Variants in CTNNA2 observed in about 807,000 individuals in gnomAD.
CTNNA2 encodes catenin alpha 2.
In CTNNA2, 42 loss-of-function variants were observed where a neutral mutation model predicts 101.0. The ratio of observed to expected loss-of-function variants is 0.42; its 90% CI spans 0.32 to 0.54. CTNNA2 has a LOEUF of 0.54. Among genes scored for constraint, CTNNA2 ranks in the 20% least tolerant of loss-of-function variants. The pLI is 0.14. For synonymous variants in CTNNA2, 450 were observed against 456.4 expected (o/e 0.99, Z 0.18); for missense variants, 871 against 1,223.1 (o/e 0.71, Z 4.29).
At chr2:79,669,731 C>T (rs2104575327) in intron 2 of CTNNA2, among the ~76,000 whole-genome samples, 1 of 152,320 alleles carries the variant, frequency 6.6e-6, no homozygotes, top group Middle Eastern at 3.4e-3. Context: ...GAGGGTGCTC[C>T]TCTCTGCAGC....
At chr2:80,581,680 G>T (rs765666546) in intron 13 of CTNNA2, 26 bp from the exon 14 acceptor site, 1 of 1,404,560 alleles carries the variant, frequency 7.1e-7, no homozygotes, top group African/African-American at 1.4e-5. Context: ...ATTTAAGTAT[G>T]CTGACTTATA....
intron 9 of CTNNA2, among the ~76,000 whole-genome samples, chr2:80,492,920 AC>A (rs1230602961): frequency 6.6e-6 from 1 of 151,660 alleles, no homozygotes; most frequent in Non-Finnish European, 1.5e-5. Context: ...AAAATGTGGG[AC>A]CCCGAATTTC....
chr2:80,608,825 G>A (rs1453253136), intron 17 of CTNNA2, among the ~76,000 whole-genome samples: 1 of 151,860 alleles, frequency 6.6e-6, no homozygotes, highest in Non-Finnish European at 1.5e-5. Context: ...AATACAGGTT[G>A]ATGTGCTGTT....
At chr2:79,221,347 C>A (rs1674343204) in intron 2 of CTNNA2, among the ~76,000 whole-genome samples, 1 of 152,098 alleles carries the variant, frequency 6.6e-6, no homozygotes, top group African/African-American at 2.4e-5. Flanking sequence ...GAGATGGAGC[C>A]TTGCTATGTT....
At chr2:79,253,092 C>T (rs1422762773) in intron 2 of CTNNA2, among the ~76,000 whole-genome samples, 1 of 152,174 alleles carries the variant, frequency 6.6e-6, no homozygotes, top group Non-Finnish European at 1.5e-5. Flanking sequence ...TTAGGACAGC[C>T]TAACTTCTCT....
chr2:80,357,733 G>A (rs567115404), intron 7 of CTNNA2, among the ~76,000 whole-genome samples: 4 of 152,224 alleles, frequency 2.6e-5, no homozygotes, highest in Admixed American at 6.5e-5. Flanking sequence ...AAAAGACAAG[G>A]TCAGGGTTCC....
At chr2:79,233,575 T>C (rs1674522312) in intron 2 of CTNNA2, among the ~76,000 whole-genome samples, 1 of 152,152 alleles carries the variant, frequency 6.6e-6, no homozygotes, top group South Asian at 2.1e-4. Flanking sequence ...GTCCAATTGG[T>C]CAAGTGTTGA....
At chr2:80,513,094 A>G (rs1477976644) in intron 9 of CTNNA2, among the ~76,000 whole-genome samples, 4 of 152,208 alleles carry the variant, frequency 2.6e-5, no homozygotes, top group African/African-American at 4.8e-5. Flanking sequence ...TGTGCTAAAG[A>G]CACATCCTTT....
At chr2:80,140,818 C>T (rs111935572) in intron 7 of CTNNA2, among the ~76,000 whole-genome samples, 10 of 152,082 alleles carry the variant, frequency 6.6e-5, no homozygotes, top group African/African-American at 2.2e-4. Context: ...GCAGAGAAAC[C>T]CCATCATATC....
chr2:79,205,480 G>C (rs766739736), intron 2 of CTNNA2, among the ~76,000 whole-genome samples: 3 of 152,134 alleles, frequency 2.0e-5, no homozygotes, highest in Non-Finnish European at 4.4e-5. Flanking sequence ...TGAAATATTG[G>C]GCTCTGAAAA....
At chr2:79,736,363 G>A (rs1670878091) in intron 2 of CTNNA2, among the ~76,000 whole-genome samples, 2 of 152,092 alleles carry the variant, frequency 1.3e-5, no homozygotes, top group Admixed American at 1.3e-4. Flanking sequence ...TAAATCAGGT[G>A]GTTCAAGGAA....
chr2:79,236,246 G>A (rs572851324), intron 2 of CTNNA2, among the ~76,000 whole-genome samples: 3 of 152,208 alleles, frequency 2.0e-5, no homozygotes, highest in Admixed American at 6.5e-5. Flanking sequence ...AATCTTCCCC[G>A]CTCAGCCTCC....
chr2:79,962,988 G>A (rs1180940890), intron 7 of CTNNA2, among the ~76,000 whole-genome samples: 12 of 148,080 alleles, frequency 8.1e-5, no homozygotes, highest in African/African-American at 3.0e-4. Flanking sequence ...GGAGAACGGT[G>A]TGAACCCGGG....
intron 2 of CTNNA2, among the ~76,000 whole-genome samples, chr2:79,305,577 G>T (rs942203066): frequency 6.6e-5 from 10 of 151,592 alleles, no homozygotes; most frequent in African/African-American, 2.4e-4. Flanking sequence ...TTACATTATT[G>T]CTTACATAGA....
chr2:79,859,566 A>G (rs1038573783), intron 4 of CTNNA2, among the ~76,000 whole-genome samples: 3 of 152,164 alleles, frequency 2.0e-5, no homozygotes, highest in African/African-American at 4.8e-5. Flanking sequence ...TAGGGCTTCT[A>G]TACAGGTCCC....
At chr2:79,302,144 C>G (rs191673179) in intron 2 of CTNNA2, among the ~76,000 whole-genome samples, 1 of 151,384 alleles carries the variant, frequency 6.6e-6, no homozygotes, top group African/African-American at 2.4e-5. Context: ...ATAAAAGAAC[C>G]CTTGACTTGA....
chr2:79,522,067 T>C (rs1182572492), intron 1 of CTNNA2, among the ~76,000 whole-genome samples: 1 of 152,242 alleles, frequency 6.6e-6, no homozygotes, highest in African/African-American at 2.4e-5. Flanking sequence ...AAGATTTTCA[T>C]GTTTTGCTTG....
intron 13 of CTNNA2, chr2:80,575,409 C>G (rs1694953953): frequency 6.6e-6 from 1 of 152,062 alleles, no homozygotes; most frequent in Non-Finnish European, 1.5e-5. Context: ...ATCTTTCTCT[C>G]TCTTTCTTTC....
intron 4 of CTNNA2, among the ~76,000 whole-genome samples, chr2:79,471,591 C>G (rs1670999779): frequency 6.6e-6 from 1 of 152,122 alleles, no homozygotes; most frequent in African/African-American, 2.4e-5. Context: ...GCAATCCCAG[C>G]ACTTTGGGAG....
Sources: gnomAD v4.1 joint callset for allele counts (sites outside exome capture counted in the v4.1 genomes callset) on GRCh38, gnomAD v4.1.1 for gene constraint, MANE v1.5 for transcripts, NCBI Gene and HGNC (gene_info 2026-07-23, HGNC 2026-07-21) for gene names.